Variants in CDC42SE2 observed in about 807,000 individuals in gnomAD.
CDC42SE2 encodes the protein CDC42 small effector 2, also known as CDC42 small effector protein 2.
In CDC42SE2, 3 loss-of-function variants were observed where a neutral mutation model predicts 11.5. The observed-to-expected ratio is 0.26, with a 90% confidence interval of 0.12 to 0.67. The LOEUF (loss-of-function observed/expected upper bound fraction) is 0.67. CDC42SE2 is among the 30% of genes least tolerant of loss of function. The pLI is 0.80. For synonymous variants in CDC42SE2, 33 were observed against 34.8 expected (o/e 0.95, Z 0.18); for missense variants, 82 against 106.8 (o/e 0.77, Z 1.02).
chr5:131,391,159 C>A lies in CDC42SE2; in HGVS notation c.*68C>A. ...ACCTGACGGCCAGACATGGCCAGGC[C>A]AATAATAGTAAATATATGTATATAT... is the stretch of plus-strand genomic sequence containing the variant. On this transcript the variant is annotated 3_prime_UTR_variant, in exon 5 of 5. Coordinates refer to ENST00000505065, the MANE Select transcript of CDC42SE2 (RefSeq NM_001375635.1). 1.0e-6 allele frequency: 1 copy of A among 977,478 alleles called. No homozygotes were observed. Among genetic ancestry groups the A allele is most frequent in the Non-Finnish European group, 1.6e-6 (1 of 643,124 alleles). The allele number at this position is 977,478 out of a possible 1,614,324, so 60.6% of individuals were successfully genotyped here.
chr5:131,321,619 G>A (rs989794150), intron 2 of CDC42SE2, among the ~76,000 whole-genome samples: 4 of 152,088 alleles, frequency 2.6e-5, no homozygotes, highest in African/African-American at 9.7e-5. Context: ...TATTCATAAA[G>A]TATCTGTGAA....
intron 1 of CDC42SE2, among the ~76,000 whole-genome samples, chr5:131,248,531 T>A (rs966755187): frequency 6.6e-6 from 1 of 152,176 alleles, no homozygotes; most frequent in South Asian, 2.1e-4. Context: ...TACAGAGGCA[T>A]AAGGATTGGC....
intron 1 of CDC42SE2, among the ~76,000 whole-genome samples, chr5:131,288,637 G>T (rs1757389894): frequency 6.6e-6 from 1 of 152,162 alleles, no homozygotes; most frequent in Non-Finnish European, 1.5e-5. Flanking sequence ...TGGGAATATA[G>T]GTTTGAGCCA....
At chr5:131,363,266 GAA>G (rs35198617) in intron 3 of CDC42SE2, among the ~76,000 whole-genome samples, 1,935 of 139,040 alleles carry the variant, frequency 0.014, 38 homozygotes, top group African/African-American at 0.045. Context: ...CTGATTTACA[GAA>G]AAAAAAAAAA....
At chr5:131,230,970 T>G in the CDC42SE2 span, among the ~76,000 whole-genome samples, 1 of 151,582 alleles carries the variant, frequency 6.6e-6, no homozygotes, top group East Asian at 1.9e-4. Flanking sequence ...TACACACACA[T>G]GTATGTATAT....
chr5:131,390,756 CTT>C (rs1224085717), intron 4 of CDC42SE2, among the ~76,000 whole-genome samples: 1 of 152,088 alleles, frequency 6.6e-6, no homozygotes, highest in African/African-American at 2.4e-5. Context: ...ACAAAACTGA[CTT>C]TTGTAATTTG....
At chr5:131,288,535 T>C (rs1305009148) in intron 1 of CDC42SE2, among the ~76,000 whole-genome samples, 2 of 152,114 alleles carry the variant, frequency 1.3e-5, no homozygotes, top group Admixed American at 1.3e-4. Context: ...CACTCTATGG[T>C]CCAGGCTGAA....
intron 2 of CDC42SE2, among the ~76,000 whole-genome samples, chr5:131,324,434 T>TAATG (rs1385293430): frequency 1.3e-5 from 2 of 152,100 alleles, no homozygotes; most frequent in African/African-American, 4.8e-5. Flanking sequence ...TGAGAAAAGA[T>TAATG]AATGAAATCC....
intron 1 of CDC42SE2, among the ~76,000 whole-genome samples, chr5:131,282,127 A>G (rs868539771): frequency 6.6e-6 from 1 of 152,218 alleles, no homozygotes; most frequent in Non-Finnish European, 1.5e-5. Context: ...TTTTAAAAAT[A>G]TGTGACTTAA....
At chr5:131,310,413 T>A (rs1456014240) in intron 1 of CDC42SE2, among the ~76,000 whole-genome samples, 1 of 151,888 alleles carries the variant, frequency 6.6e-6, no homozygotes, top group African/African-American at 2.4e-5. Flanking sequence ...CTGAAAAAAA[T>A]GTATATTCTG....
At chr5:131,289,491 T>C (rs1401152969) in intron 1 of CDC42SE2, among the ~76,000 whole-genome samples, 2 of 152,022 alleles carry the variant, frequency 1.3e-5, no homozygotes, top group Admixed American at 1.3e-4. Flanking sequence ...GCGAACATGG[T>C]GAAACCCTGT....
At chr5:131,316,565 AG>A (rs1310478900) in intron 2 of CDC42SE2, among the ~76,000 whole-genome samples, 1 of 152,234 alleles carries the variant, frequency 6.6e-6, no homozygotes. Flanking sequence ...GAGAGACAAA[AG>A]GGACATCTGC....
intron 1 of CDC42SE2, among the ~76,000 whole-genome samples, chr5:131,303,958 A>C (rs910951625): frequency 6.6e-6 from 1 of 151,700 alleles, no homozygotes; most frequent in African/African-American, 2.4e-5. Flanking sequence ...TTCTGTCTAA[A>C]ATAATTTTCT....
intron 3 of CDC42SE2, among the ~76,000 whole-genome samples, chr5:131,376,674 T>G (rs1312144367): frequency 2.0e-5 from 3 of 152,196 alleles, no homozygotes; most frequent in Non-Finnish European, 4.4e-5. Context: ...AGATGGGTCC[T>G]GGTATCTGTT....
chr5:131,304,344 C>T (rs1490025589), intron 1 of CDC42SE2, among the ~76,000 whole-genome samples: 1 of 151,966 alleles, frequency 6.6e-6, no homozygotes, highest in African/African-American at 2.4e-5. Flanking sequence ...TCCGTCTCTT[C>T]AGTATAAATG....
chr5:131,383,065 G>A (rs1222636390), intron 3 of CDC42SE2, among the ~76,000 whole-genome samples: 1 of 152,196 alleles, frequency 6.6e-6, no homozygotes, highest in Non-Finnish European at 1.5e-5. Flanking sequence ...GAAGTATGTT[G>A]AATGGGGTGG....
Position 131,365,854 on chromosome 5 carries a change from T to C in CDC42SE2, c.54+6307T>C, listed in dbSNP as rs13187488. 8.4e-3 allele frequency among the ~76,000 whole-genome samples: 1,270 copies of C among 152,074 alleles called. 11 individuals are homozygous for C. The highest frequency in any genetic ancestry group is 0.013 in the Non-Finnish European group (905 of 67,936). ...AAAATTAGCCGGGTGTGGTGGCGGG[T>C]GCCTGTAGTCCCAGCTACTCGGGAG... On this transcript the variant is annotated intron_variant, in intron 3 of 4. Transcript: ENST00000505065.
At chr5:131,310,413 T>C (rs1456014240) in intron 1 of CDC42SE2, among the ~76,000 whole-genome samples, 1 of 151,888 alleles carries the variant, frequency 6.6e-6, no homozygotes, top group East Asian at 1.9e-4. Flanking sequence ...CTGAAAAAAA[T>C]GTATATTCTG....
rs543486424 is a variant in CDC42SE2, at chr5:131,343,571, G to A, written c.-285-15638G>A. 1.6e-4 allele frequency among the ~76,000 whole-genome samples: 24 copies of A among 152,088 alleles called. 1 individual carries two copies. The highest frequency in any genetic ancestry group is 3.2e-4 in the Non-Finnish European group (22 of 68,020). On this transcript the variant is annotated intron_variant, in intron 2 of 4. Transcript: ENST00000505065. ...CTACTAAAAATACAAAATTAGCCAGGTGTGGTGGTGCATGCCTATAATCCT... is the reference window on the plus strand; with the variant it reads ...CTACTAAAAATACAAAATTAGCCAGATGTGGTGGTGCATGCCTATAATCCT...
Sources: gnomAD v4.1 joint callset for allele counts (sites outside exome capture counted in the v4.1 genomes callset) on GRCh38, gnomAD v4.1.1 for gene constraint, MANE v1.5 for transcripts, NCBI Gene and HGNC (gene_info 2026-07-23, HGNC 2026-07-21) for gene names.